SPPL2A: variants seen among roughly 807,000 people sequenced by gnomAD.
SPPL2A encodes the protein signal peptide peptidase-like 2A.
A neutral mutation model predicts 63.8 loss-of-function variants in SPPL2A; 51 were observed. The ratio of observed to expected loss-of-function variants is 0.80; its 90% CI spans 0.64 to 1.01. The LOEUF (loss-of-function observed/expected upper bound fraction) is 1.01, where lower values mean the gene tolerates loss of function less well. SPPL2A is among the 50% of genes least tolerant of loss of function. The probability of loss-of-function intolerance (pLI) is 0.00; values close to 1 mark genes in which losing one functional copy is unlikely to be tolerated. For missense variants in SPPL2A, 553 were observed against 622.7 expected (o/e 0.89, Z 1.19); for synonymous variants, 188 against 205.8 (o/e 0.91, Z 0.74).
chr15:50,759,662 G>A (rs1346754966), intron 1 of SPPL2A, among the ~76,000 whole-genome samples: 2 of 151,792 alleles, frequency 1.3e-5, no homozygotes, highest in East Asian at 3.9e-4. Context: ...AGAATGGCGT[G>A]AAGCCAGGAG....
At position 50,706,442 on chromosome 15, in the gene SPPL2A, G is replaced by A. The variant is rs1487712894; in HGVS notation, c.*1358C>T. ...ACTGAGATACAAGGTCTTGAGATGC[G>A]GCAAATTACTCAACTCTTCCTTGTA... On this transcript the variant is annotated 3_prime_UTR_variant, in exon 15 of 15. Transcript: ENST00000261854. The A allele has an allele frequency of 6.7e-6, 1 of 150,158 alleles. No homozygotes were observed. The highest frequency in any genetic ancestry group is 2.4e-5 in the African/African-American group (1 of 40,904). The allele number at this position is 150,158 out of a possible 1,614,324, so 9.3% of individuals were successfully genotyped here.
At chr15:50,750,422 A>G (rs76831999) in intron 1 of SPPL2A, among the ~76,000 whole-genome samples, 260 of 152,252 alleles carry the variant, frequency 1.7e-3, no homozygotes, top group Admixed American at 5.8e-3. Context: ...AAAATCCATC[A>G]ATCTGTCTTA....
rs755682786 is a variant in SPPL2A, at chr15:50,719,927, T to C, written c.1488+13A>G. On this transcript the variant is annotated intron_variant, in intron 14 of 14. Transcript: ENST00000261854. ...CCATAAGATAACTTGGTAACCAAAG[T>C]ATAAGCACATACCTGATAGCTGTTA... 3 of 1,597,716 alleles carry C rather than the reference T, an allele frequency of 1.9e-6. No individual in the cohort carries two copies. In the Admixed American group the frequency reaches 5.3e-5, roughly 28 times the overall value.
At chr15:50,749,011 G>A (rs528414622) in intron 2 of SPPL2A, 141 bp from the exon 3 acceptor site, 132 of 488,764 alleles carry the variant, frequency 2.7e-4, no homozygotes, top group Admixed American at 6.5e-4. Context: ...TTAGAATTAA[G>A]TATTTTAAAA....
intron 13 of SPPL2A, 67 bp downstream of exon 13, chr15:50,722,057 T>C: frequency 1.1e-6 from 1 of 888,626 alleles, no homozygotes; most frequent in Admixed American, 1.9e-5. Flanking sequence ...TCTTTATTTT[T>C]AGACCTCTGT....
intron 13 of SPPL2A, among the ~76,000 whole-genome samples, chr15:50,721,901 T>A (rs1596379538): frequency 6.6e-6 from 1 of 152,110 alleles, no homozygotes; most frequent in Non-Finnish European, 1.5e-5. Context: ...CCACTGTGCC[T>A]GGCCCTAAAA....
rs750280288 is a variant in SPPL2A, at chr15:50,736,766, C to T, written c.734-26G>A. On this transcript the variant is annotated intron_variant, in intron 6 of 14. Coordinates refer to ENST00000261854, the MANE Select transcript of SPPL2A (RefSeq NM_032802.4). ...CTGAAAAAAACAAAACACTAAATTACATGAGAACAGAAGGAAAGGTGATAA... is the reference window on the plus strand; with the variant it reads ...CTGAAAAAAACAAAACACTAAATTATATGAGAACAGAAGGAAAGGTGATAA... 8.8e-6 allele frequency: 10 copies of T among 1,134,044 alleles called. No homozygotes were observed. The Admixed American group carries it at 1.2e-4, about 14-fold the overall frequency. The allele number at this position is 1,134,044 out of a possible 1,614,324, so 70.2% of individuals were successfully genotyped here. A position where few individuals can be genotyped will look rare whatever the true frequency, so the allele number is the denominator to read the frequency against.
intron 5 of SPPL2A, among the ~76,000 whole-genome samples, chr15:50,740,870 A>T (rs1443319804): frequency 6.6e-6 from 1 of 152,100 alleles, no homozygotes; most frequent in African/African-American, 2.4e-5. Flanking sequence ...AGCCTCCCAA[A>T]ATGCTGGGAT....
intron 9 of SPPL2A, among the ~76,000 whole-genome samples, chr15:50,731,963 A>T (rs1259723765): frequency 3.3e-5 from 5 of 149,356 alleles, no homozygotes; most frequent in African/African-American, 7.4e-5. Flanking sequence ...TAAAAAAAAA[A>T]ATATTTTAGG....
At position 50,747,573 on chromosome 15, in the gene SPPL2A, T is replaced by C; in HGVS notation, c.506A>G (p.Asp169Gly). ...KMYSPSWPNF[D>G]YTMVVIFVIA... Reference sequence around the variant, plus strand: ...TACAAAAATAACCACCATAGTATAATCAAAGTTAGGCCACGATGGAGAATA... The same window carrying C: ...TACAAAAATAACCACCATAGTATAACCAAAGTTAGGCCACGATGGAGAATA... The change falls in exon 5 of 15, where the codon GAT becomes GGT. Residue 169 changes from aspartate (D) to glycine (G), a missense_variant. Physicochemically the swap from Asp to Gly is moderately conservative, Grantham distance 94 (BLOSUM62 -1). Transcript: ENST00000261854. 1 of 1,611,614 alleles carries C rather than the reference T, an allele frequency of 6.2e-7. No homozygotes were observed. The highest frequency in any genetic ancestry group is 8.5e-7 in the Non-Finnish European group (1 of 1,177,906).
rs2062773401 is a variant in SPPL2A, at chr15:50,736,655, A to G, written c.819T>C (p.Tyr273=). The G allele has an allele frequency of 1.9e-6, 3 of 1,571,994 alleles. No homozygotes were observed. Among genetic ancestry groups the G allele is most frequent in the Non-Finnish European group, 2.6e-6 (3 of 1,142,782 alleles). The stretch of plus-strand genomic sequence containing the variant: ...TAAGAGATACGTACGTGCATTGTCC[A>G]TATGGTATCTTATGAATTAGTGCAG... ...CLAALIHKIP[Y]GQCTIACRGK... Residue 273 remains tyrosine (Y), a synonymous_variant, in exon 7 of 15, where the codon TAT becomes TAC. Transcript: ENST00000261854.
intron 14 of SPPL2A, among the ~76,000 whole-genome samples, chr15:50,712,899 C>T (rs919035067): frequency 6.6e-6 from 1 of 151,906 alleles, no homozygotes; most frequent in African/African-American, 2.4e-5. Context: ...GTTGGTCAGG[C>T]TGTCTCAAAC....
intron 14 of SPPL2A, among the ~76,000 whole-genome samples, chr15:50,715,147 T>A (rs1159466974): frequency 3.9e-5 from 6 of 152,000 alleles, no homozygotes; most frequent in African/African-American, 2.4e-5. Flanking sequence ...GTGTGTGCCA[T>A]CATGCCAGGC....
chr15:50,765,683 A>T lies in SPPL2A; in HGVS notation c.-150T>A, dbSNP rs1296366706. The T allele has an allele frequency of 2.4e-6, 1 of 425,024 alleles. No individual in the cohort carries two copies. Among genetic ancestry groups the T allele is most frequent in the East Asian group, 3.7e-5 (1 of 27,226 alleles). 26.3% of individuals were successfully genotyped at this position (425,024 alleles called of 1,614,324 possible). Reference sequence around the variant, plus strand: ...GCTACGACTGGACCGCCGCTGCTACAGCGGCCGCCACAGCAGCGCGACTTC... The same window carrying T: ...GCTACGACTGGACCGCCGCTGCTACTGCGGCCGCCACAGCAGCGCGACTTC... On this transcript the variant is annotated 5_prime_UTR_variant, in exon 1 of 15. Coordinates refer to ENST00000261854, the MANE Select transcript of SPPL2A (RefSeq NM_032802.4).
chr15:50,757,457 G>A (rs2062969760), intron 1 of SPPL2A, among the ~76,000 whole-genome samples: 1 of 152,076 alleles, frequency 6.6e-6, no homozygotes, highest in South Asian at 2.1e-4. Flanking sequence ...CTTTCCCTAT[G>A]ACAAATGCTC....
rs2062867541 is a variant in SPPL2A, at chr15:50,747,506, T to C, written c.573A>G (p.Gly191=). 1 of 1,606,570 alleles carries C rather than the reference T, an allele frequency of 6.2e-7. No homozygotes were observed. Among genetic ancestry groups the C allele is most frequent in the Non-Finnish European group, 8.5e-7 (1 of 1,177,998 alleles). The change falls in exon 5 of 15, where the codon GGA becomes GGG. Residue 191 remains glycine, a synonymous_variant. Transcript: ENST00000261854. ...FTVALGGYWS[G]LVELENLKAV... is the part of the protein sequence containing the mutation. ...TTAATTAAACTTACAATTCAACTAGTCCACTCCAGTATCCACCTAATGCCA... is the reference window on the plus strand; with the variant it reads ...TTAATTAAACTTACAATTCAACTAGCCCACTCCAGTATCCACCTAATGCCA...
At position 50,704,997 on chromosome 15, in the gene SPPL2A, G is replaced by A. The variant is rs1031293070; in HGVS notation, c.*2803C>T. 11 of 152,162 alleles carry A rather than the reference G, an allele frequency of 7.2e-5. No individual in the cohort carries two copies. Among genetic ancestry groups the A allele is most frequent in the African/African-American group, 2.7e-4 (11 of 41,424 alleles). 9.4% of individuals were successfully genotyped at this position (152,162 alleles called of 1,614,324 possible). ...TGAGGAGATACATCTAGTTGATGAA[G>A]TTAAAATATTAATTACTACTCCAGT... On this transcript the variant is annotated 3_prime_UTR_variant, in exon 15 of 15. Transcript: ENST00000261854.
rs151306832 is a variant in SPPL2A at position 50,706,925 on chromosome 15, G to T, written c.*875C>A. Reference sequence around the variant, plus strand: ...GAAAAATGTTCTTAATATAATACACGTGCAGTCTGAAGTAATTTCAGTTCT... The same window carrying T: ...GAAAAATGTTCTTAATATAATACACTTGCAGTCTGAAGTAATTTCAGTTCT... On this transcript the variant is annotated 3_prime_UTR_variant, in exon 15 of 15. Transcript: ENST00000261854. 547 of 151,866 alleles carry T rather than the reference G, an allele frequency of 3.6e-3. 6 individuals carry two copies. Among genetic ancestry groups the T allele is most frequent in the African/African-American group, 0.013 (521 of 41,360 alleles). 9.4% of individuals were successfully genotyped at this position (151,866 alleles called of 1,614,324 possible).
chr15:50,754,917 G>A (rs1344372806), intron 1 of SPPL2A, among the ~76,000 whole-genome samples: 2 of 151,784 alleles, frequency 1.3e-5, no homozygotes, highest in Non-Finnish European at 2.9e-5. Flanking sequence ...AGGAGGCAGA[G>A]GTTGCGGTGA....
Sources: gnomAD v4.1 joint callset for allele counts (sites outside exome capture counted in the v4.1 genomes callset) on GRCh38, gnomAD v4.1.1 for gene constraint, MANE v1.5 for transcripts, NCBI Gene and HGNC (gene_info 2026-07-23, HGNC 2026-07-21) for gene names.